EDA: variants seen among roughly 807,000 people sequenced by gnomAD.
The protein encoded by EDA is ectodysplasin A, also known as ectodysplasin-A.
Under a neutral mutation model 23.6 loss-of-function variants are expected in EDA, and 2 were observed. The ratio of observed to expected loss-of-function variants is 0.08; its 90% CI spans 0.03 to 0.27. EDA has a LOEUF of 0.27. Ranked by LOEUF, EDA falls within the 10% of genes least tolerant of loss-of-function variation. EDA has a pLI of 1.00. For synonymous variants in EDA, 131 were observed against 132.0 expected (o/e 0.99, Z 0.05); for missense variants, 229 against 324.2 (o/e 0.71, Z 2.26).
At chrX:69,912,299 C>T (rs2018278087) in intron 1 of EDA, among the ~76,000 whole-genome samples, 1 of 111,468 alleles carries the variant, frequency 9.0e-6, no homozygotes, top group South Asian at 3.8e-4. Context: ...CTTCTTCTAA[C>T]CTTGTATTAA....
intron 1 of EDA, among the ~76,000 whole-genome samples, chrX:69,654,714 G>A (rs1236179552): frequency 9.8e-6 from 1 of 102,330 alleles, no homozygotes; most frequent in African/African-American, 3.6e-5. Context: ...ACCAAACACT[G>A]CATGTTCTCA....
At chrX:69,718,055 G>A (rs200917577) in intron 1 of EDA, among the ~76,000 whole-genome samples, 14 of 111,722 alleles carry the variant, frequency 1.3e-4, no homozygotes, top group South Asian at 7.6e-4. Flanking sequence ...CCCAGAAGCC[G>A]TCAACGTTTC....
chrX:69,762,374 A>G (rs1401952074), intron 1 of EDA, among the ~76,000 whole-genome samples: 1 of 111,980 alleles, frequency 8.9e-6, no homozygotes, highest in African/African-American at 3.2e-5. Flanking sequence ...GAAGCTTCCA[A>G]CCAGCCCTTT....
intron 1 of EDA, among the ~76,000 whole-genome samples, chrX:69,795,558 A>C (rs138125815): frequency 1.2e-3 from 135 of 112,883 alleles, no homozygotes; most frequent in African/African-American, 4.1e-3. Context: ...ACATAATCTG[A>C]GTGGCACAAG....
Position 69,801,637 on chromosome X carries a change from A to G in EDA, c.397-155390A>G, listed in dbSNP as rs186177541. ...TATGACTGATAAGGGATTGTTACCAAGAATATATAAAGAACTTCTCAAACC... is the reference window on the plus strand; with the variant it reads ...TATGACTGATAAGGGATTGTTACCAGGAATATATAAAGAACTTCTCAAACC... On this transcript the variant is annotated intron_variant, in intron 1 of 7. Transcript: ENST00000374552. 4.1e-3 allele frequency among the ~76,000 whole-genome samples: 462 copies of G among 112,287 alleles called. 2 individuals carry two copies. The highest frequency in any genetic ancestry group is 7.5e-3 in the Admixed American group (79 of 10,540).
At chrX:69,730,562 G>T (rs1321263190) in intron 1 of EDA, among the ~76,000 whole-genome samples, 1 of 111,893 alleles carries the variant, frequency 8.9e-6, no homozygotes. Flanking sequence ...CTAGTCTTCA[G>T]ACCTTCAAAC....
intron 2 of EDA, among the ~76,000 whole-genome samples, chrX:70,011,714 G>T (rs2019878495): frequency 9.0e-6 from 1 of 111,466 alleles, no homozygotes; most frequent in Admixed American, 9.5e-5. Flanking sequence ...AACATTTCTT[G>T]CAAGGCCGAT....
At chrX:69,636,508 A>G (rs1932776624) in intron 1 of EDA, among the ~76,000 whole-genome samples, 1 of 109,400 alleles carries the variant, frequency 9.1e-6, no homozygotes, top group Non-Finnish European at 1.9e-5. Flanking sequence ...TAACTTGTCT[A>G]CCTTATCTAG....
chrX:69,834,703 GC>G (rs1461308791), intron 1 of EDA, among the ~76,000 whole-genome samples: 1 of 111,181 alleles, frequency 9.0e-6, no homozygotes. Flanking sequence ...GGGGCATTTA[GC>G]CCATGTACAT....
chrX:69,814,860 G>A (rs898597752), intron 1 of EDA, among the ~76,000 whole-genome samples: 2 of 111,684 alleles, frequency 1.8e-5, no homozygotes, highest in South Asian at 3.8e-4. Context: ...AGATCCCCTC[G>A]TGAACCCATG....
chrX:69,814,690 AC>A (rs1179728831), intron 1 of EDA, among the ~76,000 whole-genome samples: 1 of 112,060 alleles, frequency 8.9e-6, no homozygotes, highest in East Asian at 2.8e-4. Flanking sequence ...AACTTGACCA[AC>A]AGAGAATGAA....
intron 1 of EDA, among the ~76,000 whole-genome samples, chrX:69,749,919 G>GTTTTTTT (rs748583222): frequency 4.1e-5 from 2 of 48,607 alleles, no homozygotes; most frequent in African/African-American, 2.1e-4. Flanking sequence ...TCTCACTAAG[G>GTTTTTTT]TTCTTTTTTT....
At chrX:69,647,333 C>A (rs907173643) in intron 1 of EDA, among the ~76,000 whole-genome samples, 1 of 111,667 alleles carries the variant, frequency 9.0e-6, no homozygotes, top group African/African-American at 3.3e-5. Context: ...GTTCCCCAGT[C>A]GTAGGTTCAG....
chrX:69,616,853 GC>G, intron 1 of EDA, 149 bp downstream of exon 1: 1 of 787,504 alleles, frequency 1.3e-6, no homozygotes, highest in Non-Finnish European at 1.8e-6. Flanking sequence ...GGGAGAAGTT[GC>G]CCAGGGCAGG....
At chrX:69,817,153 T>G (rs1353662696) in intron 1 of EDA, among the ~76,000 whole-genome samples, 1 of 111,859 alleles carries the variant, frequency 8.9e-6, no homozygotes, top group East Asian at 2.8e-4. Context: ...AAGATCCTTT[T>G]CAGACAGGCG....
intron 1 of EDA, among the ~76,000 whole-genome samples, chrX:69,726,549 C>T (rs887376891): frequency 1.8e-5 from 2 of 112,453 alleles, no homozygotes; most frequent in Non-Finnish European, 3.8e-5. Context: ...TATATAATGT[C>T]TGGCATTCAA....
At chrX:69,825,439 G>A (rs1438694899) in intron 1 of EDA, among the ~76,000 whole-genome samples, 2 of 110,089 alleles carry the variant, frequency 1.8e-5, no homozygotes, top group Admixed American at 9.6e-5. Flanking sequence ...GAGTGTATGT[G>A]TCGAGGAATT....
intron 2 of EDA, among the ~76,000 whole-genome samples, chrX:69,973,797 T>C (rs927428405): frequency 4.5e-5 from 5 of 111,527 alleles, no homozygotes; most frequent in Non-Finnish European, 9.4e-5. Context: ...GCAACAGTTA[T>C]GAATATGAGT....
intron 1 of EDA, among the ~76,000 whole-genome samples, chrX:69,626,588 A>G (rs145980639): frequency 0.061 from 6,755 of 111,624 alleles, 478 homozygotes; most frequent in African/African-American, 0.21. Flanking sequence ...AAATGTCCAG[A>G]ATAGGCAAAT....
Sources: allele counts gnomAD v4.1 joint callset (sites outside exome capture counted in the v4.1 genomes callset), GRCh38; gene constraint gnomAD v4.1.1; transcripts MANE v1.5; gene names NCBI Gene and HGNC (gene_info 2026-07-23, HGNC 2026-07-21).